Variants in ABCA13 observed in about 807,000 individuals in gnomAD.
ABCA13 encodes the protein ATP binding cassette subfamily A member 13.
A neutral mutation model predicts 478.7 loss-of-function variants in ABCA13; 476 were observed. The ratio of observed to expected loss-of-function variants is 0.99; its 90% CI spans 0.92 to 1.07. The LOEUF (loss-of-function observed/expected upper bound fraction) is 1.07, where lower values mean the gene tolerates loss of function less well. ABCA13 is among the 50% of genes least tolerant of loss of function. The pLI is 0.00. For missense variants in ABCA13, 6,060 were observed against 5,910.6 expected (o/e 1.03, Z -0.83); for synonymous variants, 2,252 against 2,158.9 (o/e 1.04, Z -1.20).
chr7:48,563,127 G>A (rs953357170), intron 55 of ABCA13, among the ~76,000 whole-genome samples: 6 of 152,058 alleles, frequency 3.9e-5, no homozygotes, highest in African/African-American at 1.4e-4. Context: ...CTATAAAAAG[G>A]TACAGTCAAG....
chr7:48,206,465 CATG>C (rs796376816), intron 3 of ABCA13, among the ~76,000 whole-genome samples: 3 of 152,322 alleles, frequency 2.0e-5, no homozygotes, highest in African/African-American at 7.2e-5. Context: ...GGTGTTCACA[CATG>C]ATGAAATTGC....
At chr7:48,500,864 C>G (rs1309797049) in intron 48 of ABCA13, among the ~76,000 whole-genome samples, 2 of 152,216 alleles carry the variant, frequency 1.3e-5, no homozygotes, top group Non-Finnish European at 2.9e-5. Flanking sequence ...TGCACCCAAC[C>G]TCTTAGGTGA....
intron 48 of ABCA13, among the ~76,000 whole-genome samples, chr7:48,503,642 T>C (rs1425424369): frequency 2.6e-5 from 4 of 152,240 alleles, no homozygotes; most frequent in African/African-American, 9.6e-5. Flanking sequence ...CTGAGTAATG[T>C]TCCATTATGT....
chr7:48,479,104 C>T (rs868139953), intron 45 of ABCA13, among the ~76,000 whole-genome samples: 33 of 151,718 alleles, frequency 2.2e-4, no homozygotes, highest in Middle Eastern at 3.4e-3. Flanking sequence ...GCCGCCACTA[C>T]GCCCGGCTAA....
intron 20 of ABCA13, among the ~76,000 whole-genome samples, chr7:48,293,779 A>C (rs1205574222): frequency 6.6e-6 from 1 of 152,168 alleles, no homozygotes; most frequent in African/African-American, 2.4e-5. Context: ...TTGGTTGTTT[A>C]AAAAACTGAT....
chr7:48,385,771 C>T (rs1815085717), intron 35 of ABCA13, among the ~76,000 whole-genome samples: 3 of 152,194 alleles, frequency 2.0e-5, no homozygotes, highest in African/African-American at 4.8e-5. Context: ...TTTACACTCC[C>T]ACCAACAGTG....
At chr7:48,325,536 T>C (rs530698196) in intron 27 of ABCA13, among the ~76,000 whole-genome samples, 1 of 152,334 alleles carries the variant, frequency 6.6e-6, no homozygotes, top group East Asian at 1.9e-4. Flanking sequence ...TGAAGAAATC[T>C]GATTACTTTT....
chr7:48,224,652 A>G (rs1386898384), intron 5 of ABCA13, among the ~76,000 whole-genome samples: 1 of 152,194 alleles, frequency 6.6e-6, no homozygotes, highest in Non-Finnish European at 1.5e-5. Context: ...TTGGATTTAA[A>G]AAAACCTCAC....
intron 55 of ABCA13, among the ~76,000 whole-genome samples, chr7:48,553,893 A>G (rs1785543702): frequency 6.6e-6 from 1 of 152,010 alleles, no homozygotes; most frequent in South Asian, 2.1e-4. Flanking sequence ...GCCCAGACCA[A>G]TGTCCTGGAG....
At chr7:48,425,936 T>G (rs1317719296) in intron 41 of ABCA13, among the ~76,000 whole-genome samples, 1 of 151,844 alleles carries the variant, frequency 6.6e-6, no homozygotes, top group South Asian at 2.1e-4. Flanking sequence ...AGAGACGAGG[T>G]TTCACTGTGT....
At chr7:48,428,494 TAATA>T (rs1044826750) in intron 42 of ABCA13, among the ~76,000 whole-genome samples, 5 of 152,092 alleles carry the variant, frequency 3.3e-5, no homozygotes, top group African/African-American at 1.2e-4. Context: ...ATGTGGAGGG[TAATA>T]AATCTAAGAG....
chr7:48,233,439 A>T (rs956248062), intron 7 of ABCA13, among the ~76,000 whole-genome samples: 1 of 152,148 alleles, frequency 6.6e-6, no homozygotes, highest in Non-Finnish European at 1.5e-5. Flanking sequence ...TGAATGTGTC[A>T]CTACTAGATA....
chr7:48,567,401 A>C (rs191624243), intron 55 of ABCA13, among the ~76,000 whole-genome samples: 1 of 152,256 alleles, frequency 6.6e-6, no homozygotes, highest in Non-Finnish European at 1.5e-5. Flanking sequence ...ATATCTTTAT[A>C]TGTTTTAGAA....
chr7:48,412,392 T>A lies in ABCA13; in HGVS notation c.12268T>A (p.Cys4090Ser). Reference sequence around the variant, plus strand: ...GGCCCATGATCTGAAAGACATGGCTTGTGTTACATCCCTGATAAAGATCTA... The same window carrying A: ...GGCCCATGATCTGAAAGACATGGCTAGTGTTACATCCCTGATAAAGATCTA... ...LEAHDLKDMACVTSLIKIYIP... is the reference protein window; with the variant it reads ...LEAHDLKDMASVTSLIKIYIP... The change falls in exon 41 of 62, where the codon TGT becomes AGT. Residue 4090 changes from cysteine to serine, a missense_variant. By Grantham distance (112) the Cys-to-Ser change is moderately radical. Around this residue, in one of 3 missense-constraint regions of ABCA13, gnomAD observed 1,627 missense variants for 1,571.0 expected, o/e 1.04. Coordinates refer to ENST00000435803, the MANE Select transcript of ABCA13 (RefSeq NM_152701.5). 2 of 1,613,674 alleles carry A rather than the reference T, an allele frequency of 1.2e-6. No homozygotes were observed. Among genetic ancestry groups the A allele is most frequent in the Non-Finnish European group, 1.7e-6 (2 of 1,179,792 alleles).
rs571269467 is a variant in ABCA13 at position 48,272,892 on chromosome 7, C to T, written c.3226C>T (p.Arg1076Cys). ...GCTGCTCATAATTGATGAAGATTTT[C>T]GTATTTCTTTATTTCAATATATGAG... Reference protein sequence around the residue: ...KQLLIIDEDFRISLFQYMSQF... With the variant: ...KQLLIIDEDFCISLFQYMSQF... The change falls in exon 17 of 62, where the codon CGT (arginine) becomes TGT (cysteine). Residue 1076 changes from arginine to cysteine, a missense_variant. Arg to Cys is a radical substitution (Grantham distance 180). This residue lies in a region of ABCA13 where 4,423 missense variants were observed against 4,309.1 expected (regional missense o/e 1.03). Coordinates refer to ENST00000435803, the MANE Select transcript of ABCA13 (RefSeq NM_152701.5). The T allele has an allele frequency of 5.6e-6, 9 of 1,609,732 alleles. No homozygotes were observed. Among genetic ancestry groups the T allele is most frequent in the Middle Eastern group, 3.3e-4 (2 of 6,056 alleles).
chr7:48,627,665 A>T (rs77459470), intron 59 of ABCA13, among the ~76,000 whole-genome samples: 1,852 of 152,310 alleles, frequency 0.012, 14 homozygotes, highest in Non-Finnish European at 0.016. Context: ...TGCTGTTACT[A>T]TAACAGAATA....
intron 55 of ABCA13, among the ~76,000 whole-genome samples, chr7:48,562,362 G>A (rs1045277070): frequency 3.3e-5 from 5 of 152,028 alleles, no homozygotes. Flanking sequence ...TGACATCTAA[G>A]GTTGGAAGTT....
chr7:48,196,596 T>C (rs1237410109), intron 2 of ABCA13, among the ~76,000 whole-genome samples: 1 of 152,112 alleles, frequency 6.6e-6, no homozygotes, highest in Non-Finnish European at 1.5e-5. Context: ...GACTAAAAAA[T>C]GCCCATCCCC....
intron 49 of ABCA13, among the ~76,000 whole-genome samples, chr7:48,506,800 A>C (rs1201612642): frequency 1.3e-5 from 2 of 152,146 alleles, no homozygotes; most frequent in South Asian, 2.1e-4. Context: ...AGATGGAGAC[A>C]TGGGTGGGGA....
Sources: gnomAD v4.1 joint callset for allele counts (sites outside exome capture counted in the v4.1 genomes callset) on GRCh38, gnomAD v4.1.1 for gene constraint, gnomAD v4.1.1 regional missense constraint, MANE v1.5 for transcripts, NCBI Gene and HGNC (gene_info 2026-07-23, HGNC 2026-07-21) for gene names.